Variants in BRCA1 observed in about 807,000 individuals in gnomAD.
BRCA1 encodes BRCA1 DNA repair associated.
BRCA1 carries 140 observed loss-of-function variants against 173.7 expected under a neutral mutation model. The ratio of observed to expected loss-of-function variants is 0.81; its 90% CI spans 0.70 to 0.93. BRCA1 has a LOEUF of 0.93. Among genes scored for constraint, BRCA1 ranks in the 40% least tolerant of loss-of-function variants. The probability of loss-of-function intolerance (pLI) is 0.00; values close to 1 mark genes in which losing one functional copy is unlikely to be tolerated. For synonymous variants in BRCA1, 662 were observed against 756.0 expected, an observed-to-expected ratio of 0.88 and a Z score of 2.04; for missense variants, 1,983 against 2,172.5, an observed-to-expected ratio of 0.91 and a Z score of 1.73.
At chr17:43,121,425 CTGTAA>C (rs995655297) in intron 2 of BRCA1, among the ~76,000 whole-genome samples, 3 of 151,836 alleles carry the variant, frequency 2.0e-5, no homozygotes, top group Non-Finnish European at 4.4e-5. Context: ...TGGCTCACGC[CTGTAA>C]TCCCAGCACT....
At chr17:43,141,212 T>C (rs1402737023) in intron 1 of BRCA1, among the ~76,000 whole-genome samples, 2 of 152,186 alleles carry the variant, frequency 1.3e-5, no homozygotes, top group Non-Finnish European at 2.9e-5. Context: ...GCAGAAACTC[T>C]GGGCTCAGAC....
chr17:43,135,907 C>T (rs33961729), intron 1 of BRCA1, among the ~76,000 whole-genome samples: 2 of 152,084 alleles, frequency 1.3e-5, no homozygotes, highest in Non-Finnish European at 2.9e-5. Flanking sequence ...CTCTCACACC[C>T]TCAGCACCCT....
At chr17:43,121,627 G>T (rs1220797624) in intron 2 of BRCA1, among the ~76,000 whole-genome samples, 1 of 134,580 alleles carries the variant, frequency 7.4e-6, no homozygotes, top group Non-Finnish European at 1.5e-5. Flanking sequence ...AGGTTGTAGT[G>T]AGCCGAGATT....
At position 43,090,979 on chromosome 17, in the gene BRCA1, C is replaced by A. The variant is rs1555586146; in HGVS notation, c.4150G>T (p.Gly1384Trp). ...SETSVSEDCSGLSSQSDILTT... is the reference protein window; with the variant it reads ...SETSVSEDCSWLSSQSDILTT... ...AAAATGTCACTCTGAGAGGATAGCC[C>A]TGAGCAGTCTTCAGAGACGCTTGTT... Residue 1384 changes from glycine (G) to tryptophan (W), a missense_variant, in exon 11 of 23, where the codon GGG (glycine) becomes TGG (tryptophan). Physicochemically the swap from Gly to Trp is radical, Grantham distance 184. Coordinates refer to ENST00000357654, the MANE Select transcript of BRCA1 (RefSeq NM_007294.4). 6.2e-7 allele frequency: 1 copy of A among 1,612,688 alleles called. No homozygotes were observed. Among genetic ancestry groups the A allele is most frequent in the Non-Finnish European group, 8.5e-7 (1 of 1,179,482 alleles).
intron 1 of BRCA1, among the ~76,000 whole-genome samples, chr17:43,156,821 A>T (rs979212267): frequency 6.6e-6 from 1 of 152,260 alleles, no homozygotes; most frequent in Non-Finnish European, 1.5e-5. Context: ...CTGTGAACAG[A>T]TGAAAACTCC....
In BRCA1 at chr17:43,097,115, A is replaced by G. The variant is rs1202125444; in HGVS notation, c.593+129T>C. Reference sequence around the variant, plus strand: ...CAAGTCGTGTGTTTACCTATATAACAAACTGCACATACATCCCTGAACCTA... The same window carrying G: ...CAAGTCGTGTGTTTACCTATATAACGAACTGCACATACATCCCTGAACCTA... On this transcript the variant is annotated intron_variant, in intron 8 of 22. Transcript: ENST00000357654. The G allele has an allele frequency of 4.2e-6, 4 of 946,688 alleles. No homozygotes were observed. In the East Asian group the frequency reaches 1.0e-4, roughly 24 times the overall value. 58.6% of individuals were successfully genotyped at this position (946,688 alleles called of 1,614,324 possible).
intron 1 of BRCA1, among the ~76,000 whole-genome samples, chr17:43,137,278 G>A (rs1295091285): frequency 2.5e-5 from 3 of 119,890 alleles, no homozygotes; most frequent in Non-Finnish European, 5.1e-5. Flanking sequence ...AGCCTATTGT[G>A]GGGTGGGGGG....
chr17:43,079,817 G>C, intron 12 of BRCA1: 1 of 741,432 alleles, frequency 1.3e-6, no homozygotes, highest in Non-Finnish European at 2.3e-6. Context: ...CCTTTGGACT[G>C]TAAAAAAAAA....
chr17:43,079,194 CAAAACAAAAA>C (rs1488171340), intron 12 of BRCA1: 20 of 740,386 alleles, frequency 2.7e-5, no homozygotes, highest in East Asian at 2.7e-4. Context: ...CAAAACAAAA[CAAAACAAAAA>C]AAATGAAAGG....
At chr17:43,118,657 G>C (rs2055406782) in intron 2 of BRCA1, among the ~76,000 whole-genome samples, 1 of 152,034 alleles carries the variant, frequency 6.6e-6, no homozygotes, top group Admixed American at 6.6e-5. Flanking sequence ...TGCTGGTCTT[G>C]AATGCCTGGC....
chr17:43,081,738 T>TC (rs1408904079), intron 12 of BRCA1, among the ~76,000 whole-genome samples: 1 of 152,230 alleles, frequency 6.6e-6, no homozygotes. Context: ...ATTCCTCAGC[T>TC]CAGTGCTCAC....
At position 43,125,339 on chromosome 17, in the gene BRCA1, C is replaced by CT. The variant is rs2055832489; in HGVS notation, c.-89dup. The CT allele has an allele frequency of 2.2e-6, 1 of 446,198 alleles. No homozygotes were observed. Among genetic ancestry groups the CT allele is most frequent in the East Asian group, 7.1e-5 (1 of 14,102 alleles). 27.6% of individuals were successfully genotyped at this position (446,198 alleles called of 1,614,324 possible). On this transcript the variant is annotated 5_prime_UTR_variant, in exon 1 of 23. Coordinates refer to ENST00000357654, the MANE Select transcript of BRCA1 (RefSeq NM_007294.4). ...CCAGTTATCTGAGAAACCCCACAGC[C>CT]TGTCCCCCGTCCAGGAAGTCTCAGC...
chr17:43,115,844 C>G lies in BRCA1; in HGVS notation c.81-65G>C, dbSNP rs80358117. ...CTCAATAATTTATTTAAAAATAAAG[C>G]TATTCTTAGTGAATAAGTTCAACTT... On this transcript the variant is annotated intron_variant, in intron 2 of 22. Coordinates refer to ENST00000357654, the MANE Select transcript of BRCA1 (RefSeq NM_007294.4). 3.7e-4 allele frequency: 557 copies of G among 1,500,732 alleles called. No homozygotes were observed. Among genetic ancestry groups the G allele is most frequent in the Non-Finnish European group, 4.8e-4 (527 of 1,101,104 alleles). 93.0% of individuals were successfully genotyped at this position (1,500,732 alleles called of 1,614,324 possible).
In BRCA1 at chr17:43,077,718, CTTATTTATTTATTT is replaced by C. The variant is rs1396568411; in HGVS notation, c.4358-1118_4358-1105del. On this transcript the variant is annotated intron_variant, in intron 12 of 22. Transcript: ENST00000357654. Reference sequence around the variant, plus strand: ...AGGAAGTGGCTTAAAGGCAGAAGTACTTATTTATTTATTTTTATTTATTTATTTTTTTTGAGATG... The same window carrying C: ...AGGAAGTGGCTTAAAGGCAGAAGTACTTATTTATTTATTTTTTTTGAGATG... Among the ~76,000 whole-genome samples, 10 of 150,684 alleles carry C rather than the reference CTTATTTATTTATTT, an allele frequency of 6.6e-5. No individual in the cohort carries two copies. The South Asian group carries it at 1.0e-3, about 16-fold the overall frequency.
chr17:43,162,777 G>A (rs1242629824), intron 1 of BRCA1: 1 of 152,168 alleles, frequency 6.6e-6, no homozygotes, highest in Admixed American at 6.5e-5. Context: ...GTCAGCTTCT[G>A]GGTGTGACTG....
At chr17:43,139,369 C>CTT (rs71228773) in intron 1 of BRCA1, among the ~76,000 whole-genome samples, 2 of 142,476 alleles carry the variant, frequency 1.4e-5, no homozygotes, top group African/African-American at 2.6e-5. Flanking sequence ...TAGTTTTTTT[C>CTT]TTTTTTTTTT....
chr17:43,104,557 A>G (rs2054654624), intron 5 of BRCA1, among the ~76,000 whole-genome samples: 1 of 152,192 alleles, frequency 6.6e-6, no homozygotes, highest in African/African-American at 2.4e-5. Flanking sequence ...GACACCAACA[A>G]TGTAAGTTGC....
At chr17:43,051,269 A>G (rs1232644676) in intron 19 of BRCA1, 152 bp from the exon 20 acceptor site, 1 of 734,682 alleles carries the variant, frequency 1.4e-6, no homozygotes, top group South Asian at 1.6e-5. Flanking sequence ...TTCTGCTGCT[A>G]CTTCCCAGGG....
chr17:43,091,456 G>T lies in BRCA1; in HGVS notation c.4075C>A (p.Gln1359Lys), dbSNP rs80357456. The change falls in exon 10 of 23, where the codon CAA becomes AAA. Residue 1359 changes from glutamine to lysine, a missense_variant. Physicochemically the swap from Gln to Lys is moderately conservative, Grantham distance 53. Transcript: ENST00000357654. ...ATACCTAAGTTTGAATCCATGCTTT[G>T]CTCTTCTTGATTATTTTCTTCCAAG... ...TGLEENNQEE[Q>K]SMDSNLGEAA... is the part of the protein sequence containing the mutation. 1 of 1,613,646 alleles carries T rather than the reference G, an allele frequency of 6.2e-7. No individual in the cohort carries two copies. Among genetic ancestry groups the T allele is most frequent in the Admixed American group, 1.7e-5 (1 of 59,900 alleles).
Sources: gnomAD v4.1 joint callset for allele counts (sites outside exome capture counted in the v4.1 genomes callset) on GRCh38, gnomAD v4.1.1 for gene constraint, MANE v1.5 for transcripts, NCBI Gene and HGNC (gene_info 2026-07-23, HGNC 2026-07-21) for gene names.